ULK4: variants seen among roughly 807,000 people sequenced by gnomAD.
ULK4 encodes the protein unc-51 like kinase 4, also known as inactive serine/threonine-protein kinase ULK4.
ULK4 carries 133 observed loss-of-function variants against 160.6 expected under a neutral mutation model. The ratio of observed to expected loss-of-function variants is 0.83; its 90% CI spans 0.72 to 0.96. ULK4 has a LOEUF of 0.96. Ranked by LOEUF, ULK4 falls within the 40% of genes least tolerant of loss-of-function variation. The pLI, the probability that ULK4 is intolerant of heterozygous loss-of-function variation, is 0.00. For missense variants in ULK4, 1,580 were observed against 1,499.5 expected (o/e 1.05, Z -0.89); for synonymous variants, 534 against 539.8 (o/e 0.99, Z 0.15).
intron 31 of ULK4, among the ~76,000 whole-genome samples, chr3:41,604,954 C>A (rs1174570781): frequency 6.6e-6 from 1 of 152,086 alleles, no homozygotes; most frequent in African/African-American, 2.4e-5. Context: ...TTGCTTCTCA[C>A]TGTGCATACT....
At chr3:41,581,731 G>A (rs9846536) in intron 31 of ULK4, among the ~76,000 whole-genome samples, 2 of 151,990 alleles carry the variant, frequency 1.3e-5, no homozygotes, top group Non-Finnish European at 2.9e-5. Context: ...TCAGACAAAC[G>A]CAACAGGCTA....
chr3:41,592,635 A>T (rs2031426796), intron 31 of ULK4, among the ~76,000 whole-genome samples: 1 of 152,240 alleles, frequency 6.6e-6, no homozygotes, highest in African/African-American at 2.4e-5. Context: ...ATCAGTTATA[A>T]ATGTATAGAG....
At chr3:41,586,218 C>T (rs1294874332) in intron 31 of ULK4, among the ~76,000 whole-genome samples, 2 of 152,146 alleles carry the variant, frequency 1.3e-5, no homozygotes, top group African/African-American at 4.8e-5. Flanking sequence ...TGCTGCATTA[C>T]TCACAGTAGC....
At chr3:41,469,110 C>T (rs2083905420) in intron 32 of ULK4, among the ~76,000 whole-genome samples, 1 of 152,144 alleles carries the variant, frequency 6.6e-6, no homozygotes, top group Admixed American at 6.6e-5. Flanking sequence ...CCCAAAGCCT[C>T]ACATCCAGGG....
intron 32 of ULK4, among the ~76,000 whole-genome samples, chr3:41,498,439 A>C (rs1033011077): frequency 6.6e-6 from 1 of 152,208 alleles, no homozygotes; most frequent in Non-Finnish European, 1.5e-5. Context: ...CCAATTCTAT[A>C]AATTCTCACC....
chr3:41,625,701 T>C (rs1334928194), intron 30 of ULK4, among the ~76,000 whole-genome samples: 1 of 152,208 alleles, frequency 6.6e-6, no homozygotes, highest in Non-Finnish European at 1.5e-5. Context: ...TTGGCCACCA[T>C]GACTTAAATC....
chr3:41,524,953 AAAAC>A (rs544225770), intron 32 of ULK4, among the ~76,000 whole-genome samples: 9 of 152,218 alleles, frequency 5.9e-5, no homozygotes, highest in South Asian at 2.1e-4. Flanking sequence ...GAACAAACAA[AAAAC>A]AAACAAACAA....
intron 32 of ULK4, among the ~76,000 whole-genome samples, chr3:41,553,205 T>C (rs79415447): frequency 0.061 from 9,283 of 152,114 alleles, 842 homozygotes; most frequent in African/African-American, 0.2. Flanking sequence ...AAAGATTTTA[T>C]GGCTAAGACA....
intron 18 of ULK4, among the ~76,000 whole-genome samples, chr3:41,828,068 A>C (rs1267313460): frequency 6.6e-6 from 1 of 151,496 alleles, no homozygotes; most frequent in Non-Finnish European, 1.5e-5. Context: ...ATCTCAATAG[A>C]TGCAGAAAAG....
At chr3:41,757,851 T>G (rs1474260811) in intron 21 of ULK4, among the ~76,000 whole-genome samples, 1 of 151,840 alleles carries the variant, frequency 6.6e-6, no homozygotes, top group Non-Finnish European at 1.5e-5. Context: ...ATGGTCTTGA[T>G]CTCCTGACCA....
rs374663746 is a variant in ULK4, at chr3:41,762,886, A to G, written c.2194-8398T>C. Among the ~76,000 whole-genome samples the G allele has an allele frequency of 7.2e-5, 11 of 152,054 alleles. No individual in the cohort carries two copies. The South Asian group carries it at 8.3e-4, about 12-fold the overall frequency. ...TTCACTGTTAGCCAGGATTGTCTCA[A>G]TCTCCTGACCTTGTGATCCACCTGC... is the stretch of plus-strand genomic sequence containing the variant. On this transcript the variant is annotated intron_variant, in intron 21 of 36. Transcript: ENST00000301831.
intron 30 of ULK4, among the ~76,000 whole-genome samples, chr3:41,661,718 A>G (rs1270473254): frequency 1.3e-5 from 2 of 152,202 alleles, no homozygotes; most frequent in African/African-American, 4.8e-5. Flanking sequence ...TTTAAGGCAA[A>G]AACAGTATAT....
At chr3:41,890,430 G>C (rs138058533) in intron 16 of ULK4, among the ~76,000 whole-genome samples, 2 of 151,824 alleles carry the variant, frequency 1.3e-5, no homozygotes, top group East Asian at 3.9e-4. Flanking sequence ...CTGTAATCCC[G>C]GCACTTTGGG....
intron 17 of ULK4, among the ~76,000 whole-genome samples, chr3:41,863,463 G>A (rs1188188899): frequency 6.6e-6 from 1 of 152,090 alleles, no homozygotes; most frequent in South Asian, 2.1e-4. Flanking sequence ...GGTACCTAAG[G>A]TGCAAGACAA....
At chr3:41,717,504 C>T (rs1245867881) in intron 23 of ULK4, among the ~76,000 whole-genome samples, 1 of 152,092 alleles carries the variant, frequency 6.6e-6, no homozygotes, top group Non-Finnish European at 1.5e-5. Context: ...CGGATCACAC[C>T]TTAATGTGGC....
At chr3:41,588,451 T>C (rs2030999011) in intron 31 of ULK4, among the ~76,000 whole-genome samples, 1 of 152,162 alleles carries the variant, frequency 6.6e-6, no homozygotes. Flanking sequence ...AAAGAAACTA[T>C]GGGACTGAGT....
intron 35 of ULK4, among the ~76,000 whole-genome samples, chr3:41,350,884 A>C (rs945443110): frequency 1.3e-5 from 2 of 152,220 alleles, no homozygotes; most frequent in Non-Finnish European, 2.9e-5. Context: ...AGGGAAGTTC[A>C]CAAGACAACT....
At chr3:41,508,092 G>A (rs1301926730) in intron 32 of ULK4, among the ~76,000 whole-genome samples, 1 of 152,220 alleles carries the variant, frequency 6.6e-6, no homozygotes, top group East Asian at 1.9e-4. Context: ...CCGCTGGGGA[G>A]CACAGTGGGA....
chr3:41,498,412 T>G (rs977827514), intron 32 of ULK4, among the ~76,000 whole-genome samples: 2 of 151,994 alleles, frequency 1.3e-5, no homozygotes, highest in Non-Finnish European at 2.9e-5. Context: ...ATACTGGAAA[T>G]GAAGAAAGCT....
Sources: allele counts gnomAD v4.1 joint callset (sites outside exome capture counted in the v4.1 genomes callset), GRCh38; gene constraint gnomAD v4.1.1; transcripts MANE v1.5; gene names NCBI Gene and HGNC (gene_info 2026-07-23, HGNC 2026-07-21).